The following PIK3R1 variants were observed in gnomAD, a reference collection of about 807,000 sequenced individuals.
PIK3R1 encodes the protein phosphatidylinositol 3-kinase regulatory subunit alpha.
PIK3R1 carries 29 observed loss-of-function variants against 98.0 expected under a neutral mutation model. The observed-to-expected ratio is 0.30, with a 90% CI of 0.22 to 0.40. The LOEUF (loss-of-function observed/expected upper bound fraction) is 0.40, where lower values mean the gene tolerates loss of function less well. PIK3R1 is among the 10% of genes least tolerant of loss of function. The pLI is 1.00. For synonymous variants in PIK3R1, 282 were observed against 311.8 expected (o/e 0.90, Z 1.01); for missense variants, 596 against 872.7 (o/e 0.68, Z 3.99).
chr5:68,280,798 A>G (rs1019566123), intron 6 of PIK3R1, 69 bp downstream of exon 6: 2 of 1,396,222 alleles, frequency 1.4e-6, no homozygotes, highest in Admixed American at 1.7e-5. Flanking sequence ...GGTCATGAAA[A>G]TGTATTCTGA....
Position 68,292,298 on chromosome 5 carries a change from A to G in PIK3R1, c.956A>G (p.Asn319Ser), listed in dbSNP as rs781439997. 40 of 1,613,688 alleles carry G rather than the reference A, an allele frequency of 2.5e-5. No homozygotes were observed. Among genetic ancestry groups the G allele is most frequent in the Non-Finnish European group, 3.1e-5 (37 of 1,179,708 alleles). Residue 319 changes from asparagine (N) to serine (S), a missense_variant, in exon 8 of 16, where the codon AAC becomes AGC. By Grantham distance (46) the Asn-to-Ser change is conservative. Around this residue, in one of 3 missense-constraint regions of PIK3R1, gnomAD observed 352 missense variants for 393.3 expected, o/e 0.90. Coordinates refer to ENST00000521381, the MANE Select transcript of PIK3R1 (RefSeq NM_181523.3). ...PKPPKPTTVA[N>S]NGMNNNMSLQ... ...CCACCAAAACCTACTACTGTAGCCAACAACGGTATGAATAACAATATGTCC... is the reference window on the plus strand; with the variant it reads ...CCACCAAAACCTACTACTGTAGCCAGCAACGGTATGAATAACAATATGTCC...
intron 2 of PIK3R1, among the ~76,000 whole-genome samples, chr5:68,245,889 G>A (rs1745066195): frequency 6.6e-6 from 1 of 152,188 alleles, no homozygotes; most frequent in African/African-American, 2.4e-5. Flanking sequence ...AAGAAATGAA[G>A]TTAGATTATT....
Position 68,290,891 on chromosome 5 carries a change from C to T in PIK3R1, c.917-1368C>T, listed in dbSNP as rs1242823638. 47 of 1,109,624 alleles carry T rather than the reference C, an allele frequency of 4.2e-5. No homozygotes were observed. The South Asian group carries it at 4.7e-4, about 11-fold the overall frequency. The allele number at this position is 1,109,624 out of a possible 1,614,324, so 68.7% of individuals were successfully genotyped here. On this transcript the variant is annotated intron_variant, in intron 7 of 15. Coordinates refer to ENST00000521381, the MANE Select transcript of PIK3R1 (RefSeq NM_181523.3). ...TTAATTTCGTGGCTTTTTAATTTTT[C>T]GAAAGCTACTGTAAAAGATCCTTTT...
intron 1 of PIK3R1, among the ~76,000 whole-genome samples, chr5:68,223,308 A>C (rs1222545306): frequency 6.6e-6 from 1 of 151,920 alleles, no homozygotes; most frequent in Non-Finnish European, 1.5e-5. Flanking sequence ...TGTCTAGCTA[A>C]GGGCTCTCTA....
intron 8 of PIK3R1, 75 bp from the exon 9 acceptor site, chr5:68,293,026 A>G: frequency 8.0e-7 from 1 of 1,243,036 alleles, no homozygotes; most frequent in Non-Finnish European, 1.2e-6. Context: ...GCTCTAAAAA[A>G]TAGCCTATTT....
At chr5:68,219,886 T>G (rs559973544) in intron 1 of PIK3R1, among the ~76,000 whole-genome samples, 11 of 152,352 alleles carry the variant, frequency 7.2e-5, no homozygotes, top group African/African-American at 2.6e-4. Flanking sequence ...TATGTAACTT[T>G]AGGCAAAATA....
chr5:68,272,920 C>T (rs541358679), intron 2 of PIK3R1, among the ~76,000 whole-genome samples: 2 of 152,204 alleles, frequency 1.3e-5, no homozygotes, highest in Admixed American at 6.5e-5. Flanking sequence ...AAAATCTGTC[C>T]CATCCTTTCT....
intron 2 of PIK3R1, among the ~76,000 whole-genome samples, chr5:68,271,036 A>AT (rs1192365829): frequency 1.3e-5 from 2 of 152,062 alleles, no homozygotes; most frequent in East Asian, 1.9e-4. Context: ...TCATTGCTGG[A>AT]TTTTTTCATA....
intron 1 of PIK3R1, among the ~76,000 whole-genome samples, chr5:68,219,760 A>C (rs992574445): frequency 4.6e-5 from 7 of 152,258 alleles, no homozygotes; most frequent in Non-Finnish European, 1.0e-4. Context: ...GGCAATGCAG[A>C]AGAAAATCCC....
chr5:68,291,404 A>C (rs1168955897), intron 7 of PIK3R1: 1 of 152,134 alleles, frequency 6.6e-6, no homozygotes, highest in Non-Finnish European at 1.5e-5. Context: ...TTTTTGTATA[A>C]GTTAAAATAG....
chr5:68,290,695 A>T, intron 7 of PIK3R1: 1 of 1,593,008 alleles, frequency 6.3e-7, no homozygotes, highest in Non-Finnish European at 8.5e-7. Context: ...CTCTTTTCTT[A>T]TAACTGAGCT....
At chr5:68,237,582 T>G (rs1177090755) in intron 2 of PIK3R1, among the ~76,000 whole-genome samples, 2 of 139,740 alleles carry the variant, frequency 1.4e-5, no homozygotes, top group Non-Finnish European at 3.0e-5. Flanking sequence ...ACTTATTTAC[T>G]TATTTTCCCA....
In PIK3R1 at chr5:68,298,648, G is replaced by A. The variant is rs55922411; in HGVS notation, c.*1047G>A. The stretch of plus-strand genomic sequence containing the variant: ...TCTTGTACAGAGTACTTGGCTGTTA[G>A]CCCAAGGTTAAAAAGTTCATAACAG... On this transcript the variant is annotated 3_prime_UTR_variant, in exon 16 of 16. Coordinates refer to ENST00000521381, the MANE Select transcript of PIK3R1 (RefSeq NM_181523.3). 54 of 233,038 alleles carry A rather than the reference G, an allele frequency of 2.3e-4. No individual in the cohort carries two copies. Among genetic ancestry groups the A allele is most frequent in the Non-Finnish European group, 3.7e-4 (44 of 117,838 alleles). The allele number at this position is 233,038 out of a possible 1,614,324, so 14.4% of individuals were successfully genotyped here. A position where few individuals can be genotyped will look rare whatever the true frequency, so the allele number is the denominator to read the frequency against.
chr5:68,285,962 G>A (rs925776414), intron 7 of PIK3R1, among the ~76,000 whole-genome samples: 8 of 152,114 alleles, frequency 5.3e-5, no homozygotes, highest in African/African-American at 1.7e-4. Context: ...GTTAATTTTT[G>A]TTGTCTATTC....
intron 2 of PIK3R1, among the ~76,000 whole-genome samples, chr5:68,252,608 G>A (rs1436351740): frequency 6.6e-6 from 1 of 152,158 alleles, no homozygotes; most frequent in Non-Finnish European, 1.5e-5. Context: ...GAAGTTATTA[G>A]AAGTTCTAAT....
intron 2 of PIK3R1, among the ~76,000 whole-genome samples, chr5:68,255,301 G>A (rs374702886): frequency 4.6e-5 from 7 of 152,200 alleles, no homozygotes; most frequent in African/African-American, 1.4e-4. Context: ...ATAAAGGGAA[G>A]TTAGTGTTGT....
Position 68,299,915 on chromosome 5 carries a change from T to G in PIK3R1, c.*2314T>G, listed in dbSNP as rs149896188. On this transcript the variant is annotated 3_prime_UTR_variant, in exon 16 of 16. Transcript: ENST00000521381. ...ACTGACGATTTCCCTGGTTTTAGTC[T>G]GCGTCTCTGCTTTAAAGTTATTGTG... The G allele has an allele frequency of 0.015, 3,384 of 233,234 alleles. 112 individuals carry two copies. Among genetic ancestry groups the G allele is most frequent in the African/African-American group, 0.069 (3,134 of 45,458 alleles). 14.4% of individuals were successfully genotyped at this position (233,234 alleles called of 1,614,324 possible). A position where few individuals can be genotyped will look rare whatever the true frequency, so the allele number is the denominator to read the frequency against.
intron 4 of PIK3R1, among the ~76,000 whole-genome samples, chr5:68,278,773 C>G (rs1746685811): frequency 6.6e-6 from 1 of 151,998 alleles, no homozygotes; most frequent in Non-Finnish European, 1.5e-5. Flanking sequence ...AACCCTGTCT[C>G]TACTAAAAAT....
intron 2 of PIK3R1, among the ~76,000 whole-genome samples, chr5:68,239,207 A>C (rs1326048663): frequency 6.6e-6 from 1 of 152,248 alleles, no homozygotes; most frequent in East Asian, 1.9e-4. Context: ...TGTAAATTTA[A>C]ACTTAATTCA....
Sources: gnomAD v4.1 joint callset for allele counts (sites outside exome capture counted in the v4.1 genomes callset) on GRCh38, gnomAD v4.1.1 for gene constraint, gnomAD v4.1.1 regional missense constraint, MANE v1.5 for transcripts, NCBI Gene and HGNC (gene_info 2026-07-23, HGNC 2026-07-21) for gene names.